ULK4: variants seen among roughly 807,000 people sequenced by gnomAD.
The protein encoded by ULK4 is unc-51 like kinase 4.
In ULK4, 133 loss-of-function variants were observed where a neutral mutation model predicts 160.6. The observed-to-expected ratio is 0.83, with a 90% CI of 0.72 to 0.96. The LOEUF (loss-of-function observed/expected upper bound fraction) is 0.96. Among genes scored for constraint, ULK4 ranks in the 40% least tolerant of loss-of-function variants. The pLI, the probability that ULK4 is intolerant of heterozygous loss-of-function variation, is 0.00. For missense variants in ULK4, 1,580 were observed against 1,499.5 expected, an observed-to-expected ratio of 1.05 and a Z score of -0.89; for synonymous variants, 534 against 539.8, an observed-to-expected ratio of 0.99 and a Z score of 0.15.
intron 18 of ULK4, among the ~76,000 whole-genome samples, chr3:41,832,685 A>G (rs1387511618): frequency 6.6e-6 from 1 of 152,166 alleles, no homozygotes; most frequent in Non-Finnish European, 1.5e-5. Context: ...TTTACATTTA[A>G]GTCTTTAATC....
At chr3:41,305,226 C>G (rs929219553) in intron 35 of ULK4, among the ~76,000 whole-genome samples, 6 of 152,130 alleles carry the variant, frequency 3.9e-5, no homozygotes, top group African/African-American at 1.4e-4. Flanking sequence ...TCTCCCTCTC[C>G]CTCTCCCCAC....
At chr3:41,604,243 A>G (rs1232431489) in intron 31 of ULK4, among the ~76,000 whole-genome samples, 2 of 152,104 alleles carry the variant, frequency 1.3e-5, no homozygotes, top group Non-Finnish European at 2.9e-5. Context: ...GAGAGAGATG[A>G]CACGAGGCGA....
intron 32 of ULK4, among the ~76,000 whole-genome samples, chr3:41,529,042 T>C (rs1026992606): frequency 6.6e-6 from 1 of 152,208 alleles, no homozygotes; most frequent in Non-Finnish European, 1.5e-5. Flanking sequence ...CTTTAAGTAT[T>C]AGCTTAGCAG....
intron 32 of ULK4, among the ~76,000 whole-genome samples, chr3:41,494,868 C>T (rs1364223038): frequency 1.3e-5 from 2 of 152,000 alleles, no homozygotes; most frequent in Non-Finnish European, 1.5e-5. Context: ...GAATCCAACT[C>T]ACAAGGGACG....
chr3:41,534,966 T>C (rs2086447945), intron 32 of ULK4, among the ~76,000 whole-genome samples: 1 of 152,254 alleles, frequency 6.6e-6, no homozygotes, highest in Admixed American at 6.5e-5. Context: ...TGTATGTGTA[T>C]GTGTGTATAT....
Position 41,935,811 on chromosome 3 carries a change from GA to G in ULK4, c.367del (p.Ser123LeufsTer13), listed in dbSNP as rs778746729. On this transcript the variant is annotated frameshift_variant, in exon 4 of 37. Transcript: ENST00000301831. LOFTEE classifies it high-confidence loss of function. ...HKLGILFCDISPRKILLEGPG... is the reference protein window; with the variant it reads ...HKLGILFCDIXPRKILLEGPG... ...ACTTTCATGAATTACCTTCCTAGGA[GA>G]AATGTCACAAAAGAGAATGCCAAGT... is the stretch of plus-strand genomic sequence containing the variant. 4.3e-6 allele frequency: 7 copies of G among 1,609,678 alleles called. No homozygotes were observed. The highest frequency in any genetic ancestry group is 5.9e-6 in the Non-Finnish European group (7 of 1,178,598).
intron 35 of ULK4, among the ~76,000 whole-genome samples, chr3:41,354,501 T>C (rs940660751): frequency 2.0e-5 from 3 of 152,208 alleles, no homozygotes; most frequent in African/African-American, 7.2e-5. Context: ...CATTTGCAGA[T>C]AGTTCTCATT....
intron 29 of ULK4, 72 bp from the exon 30 acceptor site, chr3:41,663,771 C>T: frequency 8.2e-7 from 1 of 1,225,030 alleles, no homozygotes; most frequent in Non-Finnish European, 1.2e-6. Flanking sequence ...CTATATCCAG[C>T]CAAACTATCA....
intron 27 of ULK4, among the ~76,000 whole-genome samples, chr3:41,692,493 C>T (rs1414252046): frequency 1.3e-5 from 2 of 151,442 alleles, no homozygotes; most frequent in Admixed American, 1.3e-4. Flanking sequence ...AGAATTTATA[C>T]ATATACGTTA....
chr3:41,374,431 T>C (rs1014068273), intron 35 of ULK4, among the ~76,000 whole-genome samples: 13 of 152,298 alleles, frequency 8.5e-5, no homozygotes, highest in African/African-American at 3.1e-4. Flanking sequence ...TCAAAAAGCT[T>C]ATTCACCATG....
intron 35 of ULK4, among the ~76,000 whole-genome samples, chr3:41,347,075 A>G (rs2080814993): frequency 6.6e-6 from 1 of 152,184 alleles, no homozygotes; most frequent in South Asian, 2.1e-4. Flanking sequence ...ATTCAGGAAA[A>G]AAAAAACCCA....
chr3:41,337,099 C>T lies in ULK4; in HGVS notation c.3678+60980G>A, dbSNP rs1362567934. The stretch of plus-strand genomic sequence containing the variant: ...ACTGAGGCTCAGAGAGACTACATGC[C>T]GCATCATGAATCAACAGCAAATTCA... On this transcript the variant is annotated intron_variant, in intron 35 of 36. Transcript: ENST00000301831. Among the ~76,000 whole-genome samples the T allele has an allele frequency of 3.9e-5, 6 of 152,186 alleles. No homozygotes were observed. In the East Asian group the frequency reaches 5.8e-4, roughly 15 times the overall value.
At chr3:41,773,414 T>C (rs1050865501) in intron 21 of ULK4, among the ~76,000 whole-genome samples, 1 of 152,150 alleles carries the variant, frequency 6.6e-6, no homozygotes, top group African/African-American at 2.4e-5. Flanking sequence ...ACAGGCATTC[T>C]TATACACCAA....
At chr3:41,342,038 A>T (rs1212000304) in intron 35 of ULK4, among the ~76,000 whole-genome samples, 4 of 152,186 alleles carry the variant, frequency 2.6e-5, no homozygotes, top group Non-Finnish European at 5.9e-5. Context: ...AAAAATTTTA[A>T]ATACAGTTTA....
chr3:41,498,056 T>A (rs886762414), intron 32 of ULK4, among the ~76,000 whole-genome samples: 1 of 152,226 alleles, frequency 6.6e-6, no homozygotes, highest in Non-Finnish European at 1.5e-5. Flanking sequence ...TATCTTGATG[T>A]CAATGATTTT....
chr3:41,326,423 AAG>A (rs2080339186), intron 35 of ULK4, among the ~76,000 whole-genome samples: 1 of 151,212 alleles, frequency 6.6e-6, no homozygotes, highest in African/African-American at 2.4e-5. Flanking sequence ...ATTAACCTTA[AAG>A]AGAGTTATAT....
intron 17 of ULK4, chr3:41,869,233 T>C (rs1264098031): frequency 6.6e-6 from 1 of 152,192 alleles, no homozygotes; most frequent in Non-Finnish European, 1.5e-5. Context: ...AACATTATAT[T>C]ATTTCACATA....
At chr3:41,447,104 A>G (rs1322791162) in intron 34 of ULK4, among the ~76,000 whole-genome samples, 1 of 150,060 alleles carries the variant, frequency 6.7e-6, no homozygotes, top group African/African-American at 2.4e-5. Context: ...AAAAAAAAAA[A>G]AAAAAGACAA....
Position 41,615,672 on chromosome 3 carries a change from A to C in ULK4, c.3117T>G (p.Thr1039=). The change falls in exon 31 of 37, where the codon ACT becomes ACG. Residue 1039 remains threonine (T), a synonymous_variant. Transcript: ENST00000301831. The part of the protein sequence containing the change: ...SKLIPLIFEV[T]LEHQESILGN... The stretch of plus-strand genomic sequence containing the variant: ...AAATGCACATTTCCGTTCTTACCAG[A>C]GTTACTTCAAAAATGAGTGGGATCA... The C allele has an allele frequency of 6.2e-7, 1 of 1,613,078 alleles. No homozygotes were observed. Among genetic ancestry groups the C allele is most frequent in the Non-Finnish European group, 8.5e-7 (1 of 1,179,564 alleles).
Sources: gnomAD v4.1 joint callset for allele counts (sites outside exome capture counted in the v4.1 genomes callset) on GRCh38, gnomAD v4.1.1 for gene constraint, MANE v1.5 for transcripts, NCBI Gene and HGNC (gene_info 2026-07-23, HGNC 2026-07-21) for gene names.